Variants in INTS7 observed in about 807,000 individuals in gnomAD.
The protein encoded by INTS7 is integrator complex subunit 7.
A neutral mutation model predicts 109.2 loss-of-function variants in INTS7; 46 were observed. The ratio of observed to expected loss-of-function variants is 0.42; its 90% CI spans 0.33 to 0.54. The LOEUF (loss-of-function observed/expected upper bound fraction) is 0.54, where lower values mean the gene tolerates loss of function less well. INTS7 is among the 20% of genes least tolerant of loss of function. The probability of loss-of-function intolerance (pLI) is 0.07; values close to 1 mark genes in which losing one functional copy is unlikely to be tolerated. For missense variants in INTS7, 929 were observed against 1,132.4 expected, an observed-to-expected ratio of 0.82 and a Z score of 2.58; for synonymous variants, 412 against 402.9, an observed-to-expected ratio of 1.02 and a Z score of -0.27.
intron 8 of INTS7, among the ~76,000 whole-genome samples, chr1:211,983,854 T>TG (rs1664771782): frequency 8.4e-6 from 1 of 119,140 alleles, no homozygotes; most frequent in Non-Finnish European, 2.1e-5. Flanking sequence ...TGTTTTGTTT[T>TG]GTTTTTTTTT....
chr1:212,028,729 A>G (rs1023953638), intron 1 of INTS7, among the ~76,000 whole-genome samples: 6 of 152,240 alleles, frequency 3.9e-5, no homozygotes, highest in African/African-American at 1.4e-4. Flanking sequence ...GATAATGATG[A>G]TACACATGAA....
intron 7 of INTS7, among the ~76,000 whole-genome samples, chr1:211,999,975 C>A (rs112436784): frequency 0.026 from 3,963 of 152,078 alleles, 57 homozygotes; most frequent in African/African-American, 0.046. Context: ...CAGGGTGGCT[C>A]ATGCCTGTAA....
intron 16 of INTS7, among the ~76,000 whole-genome samples, chr1:211,953,688 A>C (rs1412013477): frequency 2.0e-5 from 3 of 151,242 alleles, no homozygotes; most frequent in Admixed American, 6.6e-5. Flanking sequence ...GCTGAGAATG[A>C]TGATTTCCAG....
chr1:211,971,775 G>C (rs1020416757), intron 13 of INTS7, among the ~76,000 whole-genome samples: 5 of 152,024 alleles, frequency 3.3e-5, no homozygotes, highest in African/African-American at 4.8e-5. Flanking sequence ...AATTAGCCAG[G>C]CATGGTGGAG....
At chr1:211,964,418 G>A (rs1663778376) in intron 16 of INTS7, among the ~76,000 whole-genome samples, 1 of 152,196 alleles carries the variant, frequency 6.6e-6, no homozygotes, top group Admixed American at 6.5e-5. Context: ...TAGATTCAAT[G>A]CTATTCCTAT....
At chr1:212,030,903 A>T (rs1667133188) in intron 1 of INTS7, 3 of 152,210 alleles carry the variant, frequency 2.0e-5, no homozygotes, top group Admixed American at 2.0e-4. Context: ...ATGGTCTGAG[A>T]ATTCAGGTAT....
At position 211,968,510 on chromosome 1, in the gene INTS7, T is replaced by C. The variant is rs2102409713; in HGVS notation, c.2010+3A>G. 1 of 1,610,550 alleles carries C rather than the reference T, an allele frequency of 6.2e-7. No homozygotes were observed. The highest frequency in any genetic ancestry group is 1.7e-4 in the Middle Eastern group (1 of 6,048). ...AAAAAATGCACTGAAAGTTAAGACA[T>C]GCCTGATTGGAGATGCGACCACACC... On this transcript the variant is annotated splice_donor_region_variant and intron_variant, in intron 14 of 19. Coordinates refer to ENST00000366994, the MANE Select transcript of INTS7 (RefSeq NM_015434.4).
At chr1:211,978,151 G>A (rs1472905566) in intron 11 of INTS7, 121 bp downstream of exon 11, 4 of 1,154,434 alleles carry the variant, frequency 3.5e-6, no homozygotes, top group Non-Finnish European at 5.0e-6. Flanking sequence ...CTTAGGTAAT[G>A]AATTTAACCT....
chr1:211,968,725 A>G lies in INTS7; in HGVS notation c.1816-18T>C, dbSNP rs539970977. 44 of 1,548,250 alleles carry G rather than the reference A, an allele frequency of 2.8e-5. No individual in the cohort carries two copies. In the East Asian group the frequency reaches 3.4e-4, roughly 12 times the overall value. On this transcript the variant is annotated intron_variant, in intron 13 of 19. Coordinates refer to ENST00000366994, the MANE Select transcript of INTS7 (RefSeq NM_015434.4). The stretch of plus-strand genomic sequence containing the variant: ...CTAGCTGCCTGGGAAAAAAAAAAAA[A>G]AGAGATATTTAAGACAAAGTAAACA...
intron 8 of INTS7, among the ~76,000 whole-genome samples, chr1:211,987,227 G>A (rs1160930533): frequency 6.6e-6 from 1 of 152,004 alleles, no homozygotes; most frequent in African/African-American, 2.4e-5. Context: ...AAACTAGGAG[G>A]TGGGGGTTGT....
At chr1:211,943,849 G>A (rs181439514) in intron 19 of INTS7, among the ~76,000 whole-genome samples, 5 of 152,320 alleles carry the variant, frequency 3.3e-5, no homozygotes. Flanking sequence ...GGGCATCTGA[G>A]TAACTTCGCT....
At chr1:212,006,952 G>C (rs1571898781) in intron 6 of INTS7, among the ~76,000 whole-genome samples, 191 bp from the exon 7 acceptor site, 1 of 150,764 alleles carries the variant, frequency 6.6e-6, no homozygotes, top group Non-Finnish European at 1.5e-5. Flanking sequence ...TAACTTTAAA[G>C]TTTTAGCACA....
chr1:212,024,920 A>G (rs1385521385), intron 1 of INTS7, among the ~76,000 whole-genome samples: 2 of 152,336 alleles, frequency 1.3e-5, no homozygotes, highest in East Asian at 3.9e-4. Context: ...ATAGAAAGGT[A>G]CACCTCAAAC....
At position 211,966,427 on chromosome 1, in the gene INTS7, T is replaced by C; in HGVS notation, c.2183+3A>G. 1 of 1,518,980 alleles carries C rather than the reference T, an allele frequency of 6.6e-7. No individual in the cohort carries two copies. Among genetic ancestry groups the C allele is most frequent in the Non-Finnish European group, 9.1e-7 (1 of 1,094,656 alleles). The allele number at this position is 1,518,980 out of a possible 1,614,324, so 94.1% of individuals were successfully genotyped here. ...CGCCAACTATTATTAATATTAGAAT[T>C]ACCTTGCTGATTCTGGATCCAAAAT... is the stretch of plus-strand genomic sequence containing the variant. On this transcript the variant is annotated splice_donor_region_variant and intron_variant, in intron 16 of 19. Transcript: ENST00000366994.
chr1:212,000,047 G>A (rs1448332654), intron 7 of INTS7, among the ~76,000 whole-genome samples: 2 of 152,106 alleles, frequency 1.3e-5, no homozygotes, highest in Admixed American at 6.5e-5. Context: ...AGAGGTTGCA[G>A]TGAGCCGAGA....
rs755305437 is a variant in INTS7 at position 212,006,653 on chromosome 1, T to C, written c.865A>G (p.Arg289Gly). 3 of 1,547,962 alleles carry C rather than the reference T, an allele frequency of 1.9e-6. No individual in the cohort carries two copies. In the African/African-American group the frequency reaches 4.1e-5, roughly 21 times the overall value. Residue 289 changes from arginine (R) to glycine (G), a missense_variant, in exon 7 of 20, where the codon AGG (arginine) becomes GGG (glycine). Arg to Gly is a moderately radical substitution (Grantham distance 125). Coordinates refer to ENST00000366994, the MANE Select transcript of INTS7 (RefSeq NM_015434.4). ...LANKTPHTWS[R>G]ENIQALCECA... ...GTTCTACATACCTGAATATTCTCCC[T>C]ACTCCAAGTATGTGGTGTTTTATTA...
chr1:212,008,898 T>C (rs1571900908), intron 5 of INTS7, among the ~76,000 whole-genome samples: 1 of 152,330 alleles, frequency 6.6e-6, no homozygotes, highest in African/African-American at 2.4e-5. Context: ...GCCGATCCAT[T>C]TCCACTACCA....
At chr1:211,945,541 T>C (rs796192051) in intron 18 of INTS7, among the ~76,000 whole-genome samples, 2 of 152,224 alleles carry the variant, frequency 1.3e-5, no homozygotes, top group Admixed American at 1.3e-4. Context: ...AATGAAAAGA[T>C]GGAAGAAATT....
At chr1:212,015,123 G>T (rs2102481655) in intron 4 of INTS7, among the ~76,000 whole-genome samples, 1 of 151,956 alleles carries the variant, frequency 6.6e-6, no homozygotes, top group African/African-American at 2.4e-5. Context: ...GCCCCGTCCG[G>T]GAGGGAGGTG....
Sources: gnomAD v4.1 joint callset for allele counts (sites outside exome capture counted in the v4.1 genomes callset) on GRCh38, gnomAD v4.1.1 for gene constraint, MANE v1.5 for transcripts, NCBI Gene and HGNC (gene_info 2026-07-23, HGNC 2026-07-21) for gene names.